The following TAC3 variants were observed in gnomAD, a reference collection of about 807,000 sequenced individuals.
The protein encoded by TAC3 is tachykinin precursor 3, also known as tachykinin-3.
Under a neutral mutation model 16.5 loss-of-function variants are expected in TAC3, and 9 were observed. The observed-to-expected ratio is 0.55, with a 90% CI of 0.33 to 0.95. The LOEUF is 0.95. Ranked by LOEUF, TAC3 falls within the 40% of genes least tolerant of loss-of-function variation. The pLI is 0.03. For synonymous variants in TAC3, 52 were observed against 56.7 expected, an observed-to-expected ratio of 0.92 and a Z score of 0.37; for missense variants, 129 against 149.1, an observed-to-expected ratio of 0.87 and a Z score of 0.70.
intron 2 of TAC3, 78 bp downstream of exon 2, chr12:57,015,606 T>G: frequency 1.2e-5 from 16 of 1,290,868 alleles, no homozygotes; most frequent in East Asian, 4.9e-5. Flanking sequence ...CCACCCCAGT[T>G]TCCTCACTAC....
chr12:57,012,242 G>T, intron 6 of TAC3, 136 bp downstream of exon 6: 1 of 797,414 alleles, frequency 1.3e-6, no homozygotes, highest in Non-Finnish European at 2.1e-6. Flanking sequence ...GGCCGACAGT[G>T]TGCTGGGCAT....
chr12:57,013,295 G>A (rs544379693), intron 4 of TAC3, 64 bp downstream of exon 4: 1 of 1,593,556 alleles, frequency 6.3e-7, no homozygotes, highest in South Asian at 1.1e-5. Context: ...TGGCCCCTGG[G>A]CCCAATGCCC....
chr12:57,012,097 C>T (rs974528186), intron 6 of TAC3: 3 of 462,864 alleles, frequency 6.5e-6, no homozygotes, highest in Non-Finnish European at 4.0e-6. Context: ...AATTGCCCAT[C>T]GGGGAAGCCC....
At chr12:57,012,548 TC>T in intron 5 of TAC3, 96 bp from the exon 6 acceptor site, 1 of 1,604,620 alleles carries the variant, frequency 6.2e-7, no homozygotes, top group Non-Finnish European at 8.5e-7. Flanking sequence ...CGGGCAGTGT[TC>T]AAAGACAGAG....
chr12:57,015,395 C>T (rs1956358177), intron 2 of TAC3, among the ~76,000 whole-genome samples: 1 of 152,156 alleles, frequency 6.6e-6, no homozygotes, highest in African/African-American at 2.4e-5. Context: ...GCTCACCCCT[C>T]ACAGTACCAT....
In TAC3 at chr12:57,013,831, C is replaced by T. The variant is rs1956337551; in HGVS notation, c.115-160G>A. Among the ~76,000 whole-genome samples, 3 of 152,156 alleles carry T rather than the reference C, an allele frequency of 2.0e-5. No individual in the cohort carries two copies. In the South Asian group the frequency reaches 6.2e-4, roughly 32 times the overall value. ...CACACTGGACGAGAAGTAGGTGCTC[C>T]AGGAGTGACCTGTGGACCAACAGCA... On this transcript the variant is annotated intron_variant, in intron 2 of 6. Transcript: ENST00000458521.
At chr12:57,013,713 C>T in intron 2 of TAC3, 42 bp from the exon 3 acceptor site, 1 of 1,492,164 alleles carries the variant, frequency 6.7e-7, no homozygotes, top group Non-Finnish European at 9.3e-7. Flanking sequence ...AGGCTCCCAC[C>T]CGGATCCACT....
chr12:57,012,591 T>C, intron 5 of TAC3, 139 bp from the exon 6 acceptor site: 1 of 1,609,994 alleles, frequency 6.2e-7, no homozygotes, highest in Non-Finnish European at 8.5e-7. Context: ...AGAGTCTCCC[T>C]ATCCTTCCTC....
intron 6 of TAC3, chr12:57,012,064 A>C: frequency 5.1e-6 from 2 of 389,062 alleles, no homozygotes; most frequent in South Asian, 5.4e-5. Flanking sequence ...TAGATTACAA[A>C]AGAATGAAGT....
In TAC3 at chr12:57,015,952, G is replaced by T. The variant is rs560875419; in HGVS notation, c.-5-150C>A. 44 of 720,272 alleles carry T rather than the reference G, an allele frequency of 6.1e-5. No individual in the cohort carries two copies. The African/African-American group carries it at 7.7e-4, about 13-fold the overall frequency. The allele number at this position is 720,272 out of a possible 1,614,324, so 44.6% of individuals were successfully genotyped here. ...CACTGTCCAAGCCCTGGTCTGGAGA[G>T]AGGGTGGAAAGTATTTCTGAGAAGG... is the stretch of plus-strand genomic sequence containing the variant. On this transcript the variant is annotated intron_variant, in intron 1 of 6. Transcript: ENST00000458521.
Position 57,015,707 on chromosome 12 carries a change from C to G in TAC3, c.91G>C (p.Val31Leu). The part of the protein sequence containing the change: ...AVCKEPQEEV[V>L]PGGGRSKRDP... The stretch of plus-strand genomic sequence containing the variant: ...ACCTTGCTGCGGCCCCCGCCAGGAA[C>G]CACCTCCTCCTGTGGCTCCTTACAG... The change falls in exon 2 of 7, where the codon GTT becomes CTT. Residue 31 changes from valine to leucine, a missense_variant. Physicochemically the swap from Val to Leu is conservative, Grantham distance 32. Transcript: ENST00000458521. 6.2e-7 allele frequency: 1 copy of G among 1,614,082 alleles called. No individual in the cohort carries two copies. The highest frequency in any genetic ancestry group is 8.5e-7 in the Non-Finnish European group (1 of 1,180,024).
intron 4 of TAC3, chr12:57,013,143 C>T (rs1592457920): frequency 1.4e-6 from 1 of 728,374 alleles, no homozygotes; most frequent in Middle Eastern, 3.9e-4. Flanking sequence ...TTTCCAAGGA[C>T]CAGCCAGCAG....
At chr12:57,012,997 G>T in intron 4 of TAC3, 122 bp from the exon 5 acceptor site, 1 of 1,264,522 alleles carries the variant, frequency 7.9e-7, no homozygotes, top group Non-Finnish European at 1.1e-6. Context: ...GTCAAAGCAT[G>T]ACTCCTCACA....
chr12:57,010,623 AGCCCT>A (rs1264223928), intron 6 of TAC3: 1 of 164,992 alleles, frequency 6.1e-6, no homozygotes, highest in Non-Finnish European at 1.3e-5. Flanking sequence ...ACACACACAC[AGCCCT>A]GCCCAAGGTG....
intron 2 of TAC3, 92 bp downstream of exon 2, chr12:57,015,592 C>G: frequency 8.7e-7 from 1 of 1,154,300 alleles, no homozygotes; most frequent in Non-Finnish European, 1.3e-6. Context: ...GACGGACAAC[C>G]CCCCCACCCC....
intron 2 of TAC3, 118 bp downstream of exon 2, chr12:57,015,566 A>G (rs765015896): frequency 1.2e-6 from 1 of 830,492 alleles, no homozygotes; most frequent in Non-Finnish European, 2.0e-6. Context: ...ATCCAAAGGG[A>G]GGCAAAATGC....
At position 57,013,344 on chromosome 12, in the gene TAC3, G is replaced by A; in HGVS notation, c.238+15C>T. The stretch of plus-strand genomic sequence containing the variant: ...GCAAGTGGCAAGAGATAGGGAGGGA[G>A]AAGAGGGTACTTACGTTTCTCGGGA... On this transcript the variant is annotated intron_variant, in intron 4 of 6. Coordinates refer to ENST00000458521, the MANE Select transcript of TAC3 (RefSeq NM_013251.4). The A allele has an allele frequency of 6.2e-7, 1 of 1,614,028 alleles. No individual in the cohort carries two copies.
chr12:57,015,848 A>C (rs775936169), intron 1 of TAC3, 46 bp from the exon 2 acceptor site: 1 of 1,520,140 alleles, frequency 6.6e-7, no homozygotes, highest in Admixed American at 1.7e-5. Flanking sequence ...GAGAAGAGGA[A>C]GATACAGCAT....
intron 5 of TAC3, 154 bp downstream of exon 5, chr12:57,012,668 G>A (rs1034121561): frequency 1.1e-5 from 18 of 1,612,874 alleles, no homozygotes; most frequent in Non-Finnish European, 1.4e-5. Context: ...CTTTCCTGTG[G>A]ATCCAAGCTG....
Sources: gnomAD v4.1 joint callset for allele counts (sites outside exome capture counted in the v4.1 genomes callset) on GRCh38, gnomAD v4.1.1 for gene constraint, MANE v1.5 for transcripts, NCBI Gene and HGNC (gene_info 2026-07-23, HGNC 2026-07-21) for gene names.